The following EPB41L3 variants were observed in gnomAD, a reference collection of about 807,000 sequenced individuals.
The protein encoded by EPB41L3 is band 4.1-like protein 3.
In EPB41L3, 57 loss-of-function variants were observed where a neutral mutation model predicts 127.1. That is an observed-to-expected ratio of 0.45 (90% confidence interval 0.36 to 0.56). The LOEUF is 0.56. EPB41L3 is among the 20% of genes least tolerant of loss of function. The pLI, the probability that EPB41L3 is intolerant of heterozygous loss-of-function variation, is 0.00. For synonymous variants in EPB41L3, 572 were observed against 549.5 expected (o/e 1.04, Z -0.57); for missense variants, 1,273 against 1,372.2 (o/e 0.93, Z 1.14).
chr18:5,560,971 ATTTATTTAT>A (rs2094119173), intron 3 of EPB41L3, among the ~76,000 whole-genome samples: 1 of 143,494 alleles, frequency 7.0e-6, no homozygotes, highest in Non-Finnish European at 1.5e-5. Flanking sequence ...TTATTTATTT[ATTTATTTAT>A]TTATTTATTT....
At chr18:5,616,634 G>C (rs1277638172) in intron 1 of EPB41L3, among the ~76,000 whole-genome samples, 2 of 152,096 alleles carry the variant, frequency 1.3e-5, no homozygotes, top group Non-Finnish European at 2.9e-5. Context: ...TTAACAATGA[G>C]AACGTCACCA....
chr18:5,505,517 T>C, intron 1 of EPB41L3, among the ~76,000 whole-genome samples: 1 of 139,860 alleles, frequency 7.2e-6, no homozygotes, highest in East Asian at 2.1e-4. Context: ...ACCCCTACCC[T>C]CCACACTTTC....
intron 1 of EPB41L3, among the ~76,000 whole-genome samples, chr18:5,495,922 CT>C (rs2091129262): frequency 6.6e-6 from 1 of 152,192 alleles, no homozygotes; most frequent in Non-Finnish European, 1.5e-5. Context: ...CTACCTGATC[CT>C]ACTGACAAGG....
intron 8 of EPB41L3, among the ~76,000 whole-genome samples, chr18:5,433,133 A>G (rs1278098985): frequency 2.0e-5 from 3 of 152,174 alleles, no homozygotes; most frequent in Non-Finnish European, 4.4e-5. Context: ...GGGAAATACG[A>G]CTGTGATGGG....
upstream of EPB41L3, chr18:5,630,473 G>C (rs777452529): frequency 1.9e-6 from 1 of 518,846 alleles, no homozygotes; most frequent in African/African-American, 1.9e-5. Context: ...CGCAAGGGCA[G>C]AGAGAGGTAG....
At chr18:5,568,798 G>A (rs1334428610) in intron 3 of EPB41L3, among the ~76,000 whole-genome samples, 1 of 152,170 alleles carries the variant, frequency 6.6e-6, no homozygotes, top group Non-Finnish European at 1.5e-5. Context: ...TGCAGGATAT[G>A]TTTTGTTGTG....
chr18:5,588,518 T>A (rs925628088), intron 3 of EPB41L3, among the ~76,000 whole-genome samples: 6 of 142,198 alleles, frequency 4.2e-5, no homozygotes, highest in Non-Finnish European at 7.9e-5. Context: ...ATGTGTATTA[T>A]GTGTATGTAA....
At chr18:5,613,914 T>C (rs1349186815) in intron 2 of EPB41L3, among the ~76,000 whole-genome samples, 2 of 152,236 alleles carry the variant, frequency 1.3e-5, no homozygotes, top group East Asian at 3.8e-4. Context: ...TCAAAAACGT[T>C]CTCAGTTGTA....
chr18:5,607,119 A>G (rs2094666293), intron 3 of EPB41L3, among the ~76,000 whole-genome samples: 1 of 152,214 alleles, frequency 6.6e-6, no homozygotes, highest in Admixed American at 6.5e-5. Flanking sequence ...AACAGTCACC[A>G]GGTTGTTGAA....
intron 20 of EPB41L3, 93 bp downstream of exon 20, chr18:5,395,516 G>A (rs2073246116): frequency 8.3e-7 from 1 of 1,202,952 alleles, no homozygotes. Context: ...GCCACCTTGT[G>A]CTTGTGCAGC....
chr18:5,525,771 T>G (rs1314997279), intron 1 of EPB41L3, among the ~76,000 whole-genome samples: 1 of 152,242 alleles, frequency 6.6e-6, no homozygotes, highest in Non-Finnish European at 1.5e-5. Flanking sequence ...ATGCATTCTC[T>G]TTCCATTGTT....
At chr18:5,540,296 G>A (rs1379682628) in intron 1 of EPB41L3, 2 of 948,320 alleles carry the variant, frequency 2.1e-6, no homozygotes, top group Non-Finnish European at 2.5e-6. Flanking sequence ...ATTTTCCCAT[G>A]CAGTCTTATA....
chr18:5,608,321 G>A (rs1719981), intron 3 of EPB41L3, among the ~76,000 whole-genome samples: 75,199 of 151,854 alleles, frequency 0.5, 20,669 homozygotes, highest in East Asian at 0.92. Flanking sequence ...TAGGCATTAT[G>A]CCATACAGCT....
intron 3 of EPB41L3, among the ~76,000 whole-genome samples, chr18:5,587,323 T>TG (rs1006337965): frequency 1.3e-5 from 2 of 152,086 alleles, no homozygotes; most frequent in Non-Finnish European, 2.9e-5. Flanking sequence ...AGTTGACCCA[T>TG]GGTCAACTGT....
Position 5,406,951 on chromosome 18 carries a change from T to C in EPB41L3, c.2175A>G (p.Gln725=), listed in dbSNP as rs759791803. The part of the protein sequence containing the change: ...ELKAQELEKT[Q]DDLMKHQTNI... ...TGGTTTGATGTTTCATCAGGTCATC[T>C]TGAGTTTTTTCTAGCTCCTATATTC... The change falls in exon 16 of 23, where the codon CAA becomes CAG. Residue 725 remains glutamine (Q), a synonymous_variant. Coordinates refer to ENST00000341928, the MANE Select transcript of EPB41L3 (RefSeq NM_012307.5). The C allele has an allele frequency of 4.3e-6, 7 of 1,614,232 alleles. No homozygotes were observed. In the Admixed American group the frequency reaches 1.2e-4, roughly 27 times the overall value.
At chr18:5,449,943 A>G (rs2082061915) in intron 3 of EPB41L3, among the ~76,000 whole-genome samples, 1 of 152,242 alleles carries the variant, frequency 6.6e-6, no homozygotes, top group South Asian at 2.1e-4. Flanking sequence ...TACAAAATAT[A>G]CTGTAATAAA....
At chr18:5,514,343 T>C (rs563426016) in intron 1 of EPB41L3, among the ~76,000 whole-genome samples, 24 of 152,308 alleles carry the variant, frequency 1.6e-4, no homozygotes, top group Middle Eastern at 3.4e-3. Context: ...TGGCACAAAA[T>C]GTTCTCCAAC....
At chr18:5,573,097 G>T (rs974238601) in intron 3 of EPB41L3, among the ~76,000 whole-genome samples, 1 of 152,210 alleles carries the variant, frequency 6.6e-6, no homozygotes, top group African/African-American at 2.4e-5. Flanking sequence ...AGTCAAGAAA[G>T]TGCAAGTCAG....
intron 3 of EPB41L3, among the ~76,000 whole-genome samples, chr18:5,458,709 TAA>T (rs61622700): frequency 0.44 from 66,465 of 151,984 alleles, 15,063 homozygotes; most frequent in East Asian, 0.71. Context: ...GTCTTGTACC[TAA>T]AAAGACTGTT....
Sources: allele counts gnomAD v4.1 joint callset (sites outside exome capture counted in the v4.1 genomes callset), GRCh38; gene constraint gnomAD v4.1.1; transcripts MANE v1.5; gene names NCBI Gene and HGNC (gene_info 2026-07-23, HGNC 2026-07-21).